Variants in ZNF878 observed in about 807,000 individuals in gnomAD.
The protein encoded by ZNF878 is zinc finger protein 878.
A neutral mutation model predicts 11.1 loss-of-function variants in ZNF878; 10 were observed. The observed-to-expected ratio is 0.90, with a 90% CI of 0.56 to 1.53. The LOEUF (loss-of-function observed/expected upper bound fraction) is 1.53. ZNF878 is among the 40% of genes most tolerant of loss of function. The probability of loss-of-function intolerance (pLI) is 0.00; values close to 1 mark genes in which losing one functional copy is unlikely to be tolerated. For synonymous variants in ZNF878, 165 were observed against 209.7 expected (o/e 0.79, Z 1.84); for missense variants, 548 against 626.1 (o/e 0.88, Z 1.33).
Position 12,044,022 on chromosome 19 carries a change from A to C in ZNF878, c.1379T>G (p.Phe460Cys). 1 of 1,613,430 alleles carries C rather than the reference A, an allele frequency of 6.2e-7. No individual in the cohort carries two copies. Among genetic ancestry groups the C allele is most frequent in the Non-Finnish European group, 8.5e-7 (1 of 1,179,664 alleles). Residue 460 changes from phenylalanine (F) to cysteine (C), a missense_variant, in exon 4 of 4, where the codon TTC (phenylalanine) becomes TGC (cysteine). Transcript: ENST00000547628. ...PYECKQCGKA[F>C]ISSNSIRYHK... ...ATAGCGAATAGAATTAGAAGAAATGAAGGCTTTTCCACATTGCTTACACTC... is the reference window on the plus strand; with the variant it reads ...ATAGCGAATAGAATTAGAAGAAATGCAGGCTTTTCCACATTGCTTACACTC...
In ZNF878 at chr19:12,044,990, G is replaced by A. The variant is rs1423537816; in HGVS notation, c.411C>T (p.His137=). The part of the protein sequence containing the change: ...SSSLAIHGRT[H]TGEKPYECKE... ...TACATTCATAAGGCTTTTCCCCAGT[G>A]TGAGTTCTTCCATGTATTGCAAGGC... Residue 137 remains histidine, a synonymous_variant, in exon 4 of 4, where the codon CAC becomes CAT. Coordinates refer to ENST00000547628, the MANE Select transcript of ZNF878 (RefSeq NM_001080404.3). 4 of 1,614,154 alleles carry A rather than the reference G, an allele frequency of 2.5e-6. No homozygotes were observed. The highest frequency in any genetic ancestry group is 1.3e-5 in the African/African-American group (1 of 75,038).
In ZNF878 at chr19:12,044,287, A is replaced by G. The variant is rs376034781; in HGVS notation, c.1114T>C (p.Cys372Arg). The change falls in exon 4 of 4, where the codon TGT becomes CGT. Residue 372 changes from cysteine (C) to arginine (R), a missense_variant. Cys to Arg is a radical substitution (Grantham distance 180). Coordinates refer to ENST00000547628, the MANE Select transcript of ZNF878 (RefSeq NM_001080404.3). ...TGEKPFECKQ[C>R]GKTFTSSNSF... ...TTGGAAGAAGTGAAGGTTTTCCCAC[A>G]TTGTTTACATTCAAAGGGTTTCTCT... The G allele has an allele frequency of 1.2e-6, 2 of 1,613,866 alleles. No homozygotes were observed. Among genetic ancestry groups the G allele is most frequent in the African/African-American group, 2.7e-5 (2 of 74,864 alleles).
At chr19:12,045,291 G>T in intron 3 of ZNF878, 82 bp from the exon 4 acceptor site, 1 of 1,155,960 alleles carries the variant, frequency 8.7e-7, no homozygotes, top group Non-Finnish European at 1.2e-6. Context: ...ATTTTTAACA[G>T]TGCCCAGCAA....
intron 1 of ZNF878, 58 bp from the exon 2 acceptor site, chr19:12,046,818 A>G: frequency 1.2e-6 from 2 of 1,606,324 alleles, no homozygotes; most frequent in Admixed American, 3.4e-5. Flanking sequence ...CTGGGTTTCT[A>G]TACCCTATTC....
At chr19:12,052,719 G>C in intron 1 of ZNF878, 80 bp downstream of exon 1, 27 of 1,468,950 alleles carry the variant, frequency 1.8e-5, no homozygotes, top group Non-Finnish European at 2.5e-5. Context: ...AGGGGGGCCC[G>C]GGCCCCGCCA....
At position 12,044,422 on chromosome 19, in the gene ZNF878, G is replaced by A. The variant is rs201370571; in HGVS notation, c.979C>T (p.Arg327Cys). ...CCAGTGTGAGTCTTTTCATGATAGC[G>A]AAAGGAAGTGGAAGAAATAAATCCC... ...GKGFISSTSF[R>C]YHEKTHTGEK... Residue 327 changes from arginine (R) to cysteine (C), a missense_variant, in exon 4 of 4, where the codon CGC becomes TGC. Around this residue, in one of 3 missense-constraint regions of ZNF878, gnomAD observed 335 missense variants for 358.2 expected, o/e 0.94. Coordinates refer to ENST00000547628, the MANE Select transcript of ZNF878 (RefSeq NM_001080404.3). 186 of 1,613,302 alleles carry A rather than the reference G, an allele frequency of 1.2e-4. 1 individual carries two copies. The highest frequency in any genetic ancestry group is 7.9e-4 in the African/African-American group (59 of 74,702).
chr19:12,047,654 G>A (rs1476543629), intron 1 of ZNF878, among the ~76,000 whole-genome samples: 3 of 151,682 alleles, frequency 2.0e-5, no homozygotes, highest in South Asian at 2.1e-4. Flanking sequence ...GAAACTGTAT[G>A]TAGATAGAAA....
chr19:12,050,124 C>G (rs1023403360), intron 1 of ZNF878, among the ~76,000 whole-genome samples: 1 of 152,078 alleles, frequency 6.6e-6, no homozygotes, highest in Non-Finnish European at 1.5e-5. Context: ...ACTTGGGAGG[C>G]TGAAGCAGGA....
At chr19:12,043,717 A>C (rs1268981294), downstream of ZNF878, 20 of 1,291,254 alleles carry the variant, frequency 1.5e-5, no homozygotes, top group Non-Finnish European at 2.0e-5. Context: ...CTGAGATTAC[A>C]GGTGTCTCTG....
intron 1 of ZNF878, among the ~76,000 whole-genome samples, chr19:12,050,904 C>T (rs879276316): frequency 6.6e-6 from 1 of 150,772 alleles, no homozygotes; most frequent in East Asian, 2.0e-4. Context: ...ACCATCCTGG[C>T]TAACACGGTG....
intron 1 of ZNF878, 83 bp downstream of exon 1, chr19:12,052,716 C>G (rs1026656738): frequency 5.9e-6 from 9 of 1,513,296 alleles, no homozygotes; most frequent in Non-Finnish European, 8.0e-6. Context: ...TGCAGGGGGG[C>G]CCGGGCCCCG....
In ZNF878 at chr19:12,044,212, A is replaced by G; in HGVS notation, c.1189T>C (p.Cys397Arg). 1 of 1,614,096 alleles carries G rather than the reference A, an allele frequency of 6.2e-7. No homozygotes were observed. The highest frequency in any genetic ancestry group is 8.5e-7 in the Non-Finnish European group (1 of 1,180,030). ...CTGAAGGCTTTCCCACATTGCTTAC[A>G]CTCATAGGGTTTCTCTCCAGTGTGA... ...RTHTGEKPYECKQCGKAFRSA... is the reference protein window; with the variant it reads ...RTHTGEKPYERKQCGKAFRSA... Residue 397 changes from cysteine (C) to arginine (R), a missense_variant, in exon 4 of 4, where the codon TGT becomes CGT. Physicochemically the swap from Cys to Arg is radical, Grantham distance 180 (BLOSUM62 -3). Coordinates refer to ENST00000547628, the MANE Select transcript of ZNF878 (RefSeq NM_001080404.3).
At chr19:12,049,476 A>AAAAAAAAAAAAAAAAAAAT (rs1487178018) in intron 1 of ZNF878, among the ~76,000 whole-genome samples, 2 of 148,112 alleles carry the variant, frequency 1.4e-5, no homozygotes, top group African/African-American at 4.9e-5. Flanking sequence ...AAAAAAAAAA[A>AAAAAAAAAAAAAAAAAAAT]AAAAAGAATA....
chr19:12,044,412 T>C lies in ZNF878; in HGVS notation c.989A>G (p.Glu330Gly), dbSNP rs1489273740. The change falls in exon 4 of 4, where the codon GAA (glutamate) becomes GGA (glycine). Residue 330 changes from glutamate (E) to glycine (G), a missense_variant. Glu to Gly is a moderately conservative substitution (Grantham distance 98). Around this residue, in one of 3 missense-constraint regions of ZNF878, gnomAD observed 335 missense variants for 358.2 expected, o/e 0.94. Transcript: ENST00000547628. ...FISSTSFRYH[E>G]KTHTGEKPYE... ...AGGTTTCTCTCCAGTGTGAGTCTTT[T>C]CATGATAGCGAAAGGAAGTGGAAGA... is the stretch of plus-strand genomic sequence containing the variant. 1 of 1,613,844 alleles carries C rather than the reference T, an allele frequency of 6.2e-7. No homozygotes were observed. Among genetic ancestry groups the C allele is most frequent in the East Asian group, 2.2e-5 (1 of 44,854 alleles).
Position 12,044,147 on chromosome 19 carries a change from T to C in ZNF878, c.1254A>G (p.Thr418=), listed in dbSNP as rs1297361086. The change falls in exon 4 of 4, where the codon ACA becomes ACG. Residue 418 remains threonine, a synonymous_variant. Transcript: ENST00000547628. Reference sequence around the variant, plus strand: ...GCTTACATCCATAGGGTTTCTCTCCTGTGTGAGTTCGTATGTGCTTTTGAA... The same window carrying C: ...GCTTACATCCATAGGGTTTCTCTCCCGTGTGAGTTCGTATGTGCTTTTGAA... ...SVLQKHIRTH[T]GEKPYGCKQC... is the part of the protein sequence containing the mutation. 6.2e-7 allele frequency: 1 copy of C among 1,605,310 alleles called. No homozygotes were observed. Among genetic ancestry groups the C allele is most frequent in the Admixed American group, 1.7e-5 (1 of 59,108 alleles).
chr19:12,045,814 C>T (rs1975476616), intron 3 of ZNF878, among the ~76,000 whole-genome samples: 1 of 151,922 alleles, frequency 6.6e-6, no homozygotes, highest in Non-Finnish European at 1.5e-5. Context: ...GCAACCTCCG[C>T]CTCCCAGGTT....
chr19:12,045,008 T>C lies in ZNF878; in HGVS notation c.393A>G (p.Ala131=), dbSNP rs756837671. 15 of 1,614,050 alleles carry C rather than the reference T, an allele frequency of 9.3e-6. No individual in the cohort carries two copies. In the Admixed American group the frequency reaches 1.5e-4, roughly 16 times the overall value. Reference sequence around the variant, plus strand: ...CCCCAGTGTGAGTTCTTCCATGTATTGCAAGGCTACTGGAATAACTAAAGG... The same window carrying C: ...CCCCAGTGTGAGTTCTTCCATGTATCGCAAGGCTACTGGAATAACTAAAGG... ...LRAFSYSSSL[A]IHGRTHTGEK... Residue 131 remains alanine, a synonymous_variant, in exon 4 of 4, where the codon GCA becomes GCG. Coordinates refer to ENST00000547628, the MANE Select transcript of ZNF878 (RefSeq NM_001080404.3).
chr19:12,045,353 G>C lies in ZNF878; in HGVS notation c.192-144C>G, dbSNP rs1266498663. On this transcript the variant is annotated intron_variant, in intron 3 of 3. Coordinates refer to ENST00000547628, the MANE Select transcript of ZNF878 (RefSeq NM_001080404.3). ...CATGAATGGAACACATGCTATACAAGATGGCCTAGCCAGGCCAGGCATGGT... is the reference window on the plus strand; with the variant it reads ...CATGAATGGAACACATGCTATACAACATGGCCTAGCCAGGCCAGGCATGGT... 8 of 745,994 alleles carry C rather than the reference G, an allele frequency of 1.1e-5. No homozygotes were observed. In the East Asian group the frequency reaches 2.2e-4, roughly 20 times the overall value. 46.2% of individuals were successfully genotyped at this position (745,994 alleles called of 1,614,324 possible). A position where few individuals can be genotyped will look rare whatever the true frequency, so the allele number is the denominator to read the frequency against.
Position 12,043,896 on chromosome 19 carries a change from G to A in ZNF878, c.1505C>T (p.Thr502Ile). The change falls in exon 4 of 4, where the codon ACT (threonine) becomes ATT (isoleucine). Residue 502 changes from threonine to isoleucine, a missense_variant. Around this residue, in one of 3 missense-constraint regions of ZNF878, gnomAD observed 335 missense variants for 358.2 expected, o/e 0.94. Coordinates refer to ENST00000547628, the MANE Select transcript of ZNF878 (RefSeq NM_001080404.3). The part of the protein sequence containing the change: ...NSFLYHERIH[T>I]GEKPYECKQC... ...CTTACACTCATAGGGTTTCTCTCCA[G>A]TATGAATCCTTTCATGGTAGAGAAA... 3 of 1,614,114 alleles carry A rather than the reference G, an allele frequency of 1.9e-6. No homozygotes were observed. The highest frequency in any genetic ancestry group is 1.6e-4 in the Middle Eastern group (1 of 6,062).
Sources: allele counts gnomAD v4.1 joint callset (sites outside exome capture counted in the v4.1 genomes callset), GRCh38; gene constraint gnomAD v4.1.1; regional missense constraint gnomAD v4.1.1; transcripts MANE v1.5; gene names NCBI Gene and HGNC (gene_info 2026-07-23, HGNC 2026-07-21).